ADGRV1: variants seen among roughly 807,000 people sequenced by gnomAD.
ADGRV1 encodes G-protein coupled receptor 98.
A neutral mutation model predicts 596.2 loss-of-function variants in ADGRV1; 359 were observed. The ratio of observed to expected loss-of-function variants is 0.60; its 90% CI spans 0.55 to 0.66. ADGRV1 has a LOEUF of 0.66. ADGRV1 is among the 30% of genes least tolerant of loss of function. The pLI, the probability that ADGRV1 is intolerant of heterozygous loss-of-function variation, is 0.00. For synonymous variants in ADGRV1, 2,681 were observed against 2,679.2 expected, an observed-to-expected ratio of 1.00 and a Z score of -0.02; for missense variants, 7,274 against 7,575.6, an observed-to-expected ratio of 0.96 and a Z score of 1.48.
At chr5:90,839,851 T>A (rs1284362492) in intron 77 of ADGRV1, among the ~76,000 whole-genome samples, 1 of 152,228 alleles carries the variant, frequency 6.6e-6, no homozygotes, top group Non-Finnish European at 1.5e-5. Context: ...TATCCTCTGC[T>A]AGAATAGTAG....
At chr5:90,559,926 T>C (rs1754587567) in intron 1 of ADGRV1, among the ~76,000 whole-genome samples, 1 of 152,084 alleles carries the variant, frequency 6.6e-6, no homozygotes, top group Admixed American at 6.6e-5. Flanking sequence ...AAAAATGATA[T>C]CTTAGGCAGG....
In ADGRV1 at chr5:90,752,051, G is replaced by T. The variant is rs1002639732; in HGVS notation, c.11121+1354G>T. On this transcript the variant is annotated intron_variant, in intron 53 of 89. Coordinates refer to ENST00000405460, the MANE Select transcript of ADGRV1 (RefSeq NM_032119.4). Reference sequence around the variant, plus strand: ...AGCTAGTATATCTTTTTTCTGTAAAGGGCCAGATAGTAAATATTTTAGGCT... The same window carrying T: ...AGCTAGTATATCTTTTTTCTGTAAATGGCCAGATAGTAAATATTTTAGGCT... Among the ~76,000 whole-genome samples, 920 of 152,212 alleles carry T rather than the reference G, an allele frequency of 6.0e-3. 6 individuals carry two copies. Among genetic ancestry groups the T allele is most frequent in the African/African-American group, 0.021 (887 of 41,540 alleles).
chr5:91,016,378 C>T (rs57896429), intron 85 of ADGRV1, among the ~76,000 whole-genome samples: 1,704 of 152,084 alleles, frequency 0.011, 44 homozygotes, highest in African/African-American at 0.04. Flanking sequence ...CTGCAAGCTT[C>T]ACACACATGT....
intron 89 of ADGRV1, among the ~76,000 whole-genome samples, chr5:91,161,628 C>A: frequency 6.7e-6 from 1 of 148,454 alleles, no homozygotes; most frequent in African/African-American, 2.5e-5. Flanking sequence ...TGGCAATATT[C>A]TGGTTCTTGA....
At chr5:91,031,885 G>A (rs933165329) in intron 85 of ADGRV1, among the ~76,000 whole-genome samples, 6 of 152,056 alleles carry the variant, frequency 3.9e-5, no homozygotes, top group African/African-American at 2.4e-5. Context: ...AGATCCCTGC[G>A]CTTGCGGATT....
At chr5:90,992,094 C>A (rs1318737982) in intron 85 of ADGRV1, among the ~76,000 whole-genome samples, 2 of 152,304 alleles carry the variant, frequency 1.3e-5, no homozygotes, top group South Asian at 2.1e-4. Context: ...TCTATTCAGA[C>A]CTTAAAATTA....
chr5:90,721,141 T>C, intron 45 of ADGRV1, 82 bp downstream of exon 45: 1 of 1,166,550 alleles, frequency 8.6e-7, no homozygotes, highest in Non-Finnish European at 1.2e-6. Flanking sequence ...TCCTTTGAAT[T>C]GTATGTTATT....
Position 90,753,639 on chromosome 5 carries a change from A to G in ADGRV1, c.11187A>G (p.Pro3729=). The change falls in exon 54 of 90, where the codon CCA becomes CCG. Residue 3729 remains proline (P), a synonymous_variant. Coordinates refer to ENST00000405460, the MANE Select transcript of ADGRV1 (RefSeq NM_032119.4). ...ITLTILADNI[P]ELSEVVIVTL... ...TAACTATTCTTGCTGATAATATACC[A>G]GAGTTATCAGAGGTTGTGATTGTAA... is the stretch of plus-strand genomic sequence containing the variant. 1.2e-6 allele frequency: 2 copies of G among 1,611,946 alleles called. No homozygotes were observed. The highest frequency in any genetic ancestry group is 1.7e-6 in the Non-Finnish European group (2 of 1,178,108).
rs1196399661 is a variant in ADGRV1, at chr5:90,923,201, A to G, written c.17857-42214A>G. The stretch of plus-strand genomic sequence containing the variant: ...ATAGGATTTATTGCAGTTTATGATT[A>G]TAATTTTTCATTATGCTGCTAAAGG... On this transcript the variant is annotated intron_variant, in intron 83 of 89. Transcript: ENST00000405460. Among the ~76,000 whole-genome samples the G allele has an allele frequency of 3.3e-5, 5 of 152,208 alleles. No homozygotes were observed. The East Asian group carries it at 7.7e-4, about 23-fold the overall frequency.
chr5:90,565,051 A>G (rs1406457395), intron 1 of ADGRV1, among the ~76,000 whole-genome samples: 2 of 152,140 alleles, frequency 1.3e-5, no homozygotes, highest in African/African-American at 2.4e-5. Context: ...CCTGACCAAC[A>G]TGGTGAAACC....
At chr5:90,617,767 T>C in intron 2 of ADGRV1, 37 bp from the exon 3 acceptor site, 2 of 1,548,660 alleles carry the variant, frequency 1.3e-6, no homozygotes, top group Non-Finnish European at 1.8e-6. Flanking sequence ...CCTAATACTG[T>C]GTTAAATAAG....
intron 87 of ADGRV1, among the ~76,000 whole-genome samples, chr5:91,142,648 A>C (rs766415815): frequency 1.3e-5 from 2 of 152,122 alleles, no homozygotes; most frequent in African/African-American, 2.4e-5. Context: ...AGTCTTTCCT[A>C]TCTCATACGG....
chr5:91,082,805 A>G (rs1789516387), intron 86 of ADGRV1, among the ~76,000 whole-genome samples: 1 of 152,104 alleles, frequency 6.6e-6, no homozygotes, highest in African/African-American at 2.4e-5. Flanking sequence ...TCTCTCTCCC[A>G]GGTTCTTACC....
chr5:90,622,546 A>C lies in ADGRV1; in HGVS notation c.454-51A>C, dbSNP rs568691248. The C allele has an allele frequency of 1.5e-5, 12 of 791,490 alleles. No homozygotes were observed. In the Admixed American group the frequency reaches 1.8e-4, roughly 12 times the overall value. 49.0% of individuals were successfully genotyped at this position (791,490 alleles called of 1,614,324 possible). A position where few individuals can be genotyped will look rare whatever the true frequency, so the allele number is the denominator to read the frequency against. ...CTGAGGTAATAGTTTTTACCGCCTC[A>C]TACCTCTGATTGCTCAGCTCCTGAT... On this transcript the variant is annotated intron_variant, in intron 4 of 89. Transcript: ENST00000405460.
In ADGRV1 at chr5:90,642,842, A is replaced by G. The variant is rs536014803; in HGVS notation, c.2368-14A>G. 1.3e-6 allele frequency: 2 copies of G among 1,596,952 alleles called. No individual in the cohort carries two copies. Among genetic ancestry groups the G allele is most frequent in the Middle Eastern group, 1.7e-4 (1 of 5,926 alleles). On this transcript the variant is annotated splice_polypyrimidine_tract_variant and intron_variant, in intron 12 of 89. Transcript: ENST00000405460. ...TCTCAAAGGGTTTCAACTTTTGTGG[A>G]TTTGTTTTTAAAGGAAGGAGAATCT...
intron 86 of ADGRV1, among the ~76,000 whole-genome samples, chr5:91,086,730 C>T (rs1269328219): frequency 6.6e-6 from 1 of 152,118 alleles, no homozygotes; most frequent in African/African-American, 2.4e-5. Context: ...ATGCCATTCC[C>T]CTACCTCAGG....
chr5:90,673,080 T>C (rs973995735), intron 22 of ADGRV1, among the ~76,000 whole-genome samples: 3 of 152,234 alleles, frequency 2.0e-5, no homozygotes, highest in African/African-American at 7.2e-5. Context: ...AAGGAGAAAT[T>C]GTTTTTTCAC....
At chr5:91,159,368 A>C (rs1582261527) in intron 89 of ADGRV1, among the ~76,000 whole-genome samples, 2 of 152,208 alleles carry the variant, frequency 1.3e-5, no homozygotes, top group Admixed American at 1.3e-4. Flanking sequence ...GTGTTAGTGC[A>C]TACTTTGTTG....
chr5:90,992,537 G>C (rs977012037), intron 85 of ADGRV1, among the ~76,000 whole-genome samples: 33 of 152,346 alleles, frequency 2.2e-4, no homozygotes, highest in Admixed American at 1.9e-3. Flanking sequence ...TCTCCGTGTA[G>C]TTCTTGAGTA....
Sources: allele counts gnomAD v4.1 joint callset (sites outside exome capture counted in the v4.1 genomes callset), GRCh38; gene constraint gnomAD v4.1.1; transcripts MANE v1.5; gene names NCBI Gene and HGNC (gene_info 2026-07-23, HGNC 2026-07-21).